The following UACA variants were observed in gnomAD, a reference collection of about 807,000 sequenced individuals.
The protein encoded by UACA is nuclear membrane binding protein.
In UACA, 112 loss-of-function variants were observed where a neutral mutation model predicts 160.5. The ratio of observed to expected loss-of-function variants is 0.70; its 90% CI spans 0.60 to 0.82. UACA has a LOEUF of 0.82. Ranked by LOEUF, UACA falls within the 40% of genes least tolerant of loss-of-function variation. UACA has a pLI of 0.00. For synonymous variants in UACA, 557 were observed against 568.4 expected (o/e 0.98, Z 0.29); for missense variants, 1,574 against 1,614.6 (o/e 0.97, Z 0.43).
intron 1 of UACA, among the ~76,000 whole-genome samples, chr15:70,720,853 C>T (rs1246802669): frequency 6.6e-6 from 1 of 152,158 alleles, no homozygotes; most frequent in East Asian, 1.9e-4. Flanking sequence ...CTTTGGCAGT[C>T]ATGAAGTACT....
rs910424757 is a variant in UACA, at chr15:70,763,444, G to A, written c.-37C>T. 4.7e-6 allele frequency: 6 copies of A among 1,285,622 alleles called. No individual in the cohort carries two copies. The African/African-American group carries it at 9.3e-5, about 20-fold the overall frequency. The allele number at this position is 1,285,622 out of a possible 1,614,324, so 79.6% of individuals were successfully genotyped here. ...GCCTGGCCCCCGCGCGAACCTTAAA[G>A]GCTGCGGAGTGCCAGCGCGCAAGGA... is the stretch of plus-strand genomic sequence containing the variant. On this transcript the variant is annotated 5_prime_UTR_variant, in exon 1 of 19. Coordinates refer to ENST00000322954, the MANE Select transcript of UACA (RefSeq NM_018003.4).
At chr15:70,722,486 T>G (rs552636677) in intron 1 of UACA, among the ~76,000 whole-genome samples, 1 of 152,198 alleles carries the variant, frequency 6.6e-6, no homozygotes, top group East Asian at 1.9e-4. Context: ...CTGAGCTAAT[T>G]TTTTTATTTT....
intron 1 of UACA, among the ~76,000 whole-genome samples, chr15:70,723,237 G>A (rs190638167): frequency 6.2e-4 from 95 of 152,368 alleles, no homozygotes; most frequent in African/African-American, 2.2e-3. Flanking sequence ...GCTCACGCCT[G>A]TAATCCTAAA....
the UACA span, among the ~76,000 whole-genome samples, chr15:70,777,818 G>A: frequency 5.8e-4 from 89 of 152,318 alleles, no homozygotes; most frequent in Admixed American, 2.0e-3. Context: ...GTTTTGCTGC[G>A]ACGGGGAGGG....
intron 1 of UACA, among the ~76,000 whole-genome samples, chr15:70,741,570 AAAG>A (rs1899535706): frequency 6.6e-6 from 1 of 152,246 alleles, no homozygotes. Flanking sequence ...TTTGTGTTTA[AAAG>A]TAGTTTCTAA....
At chr15:70,767,113 A>G (rs558648747), upstream of UACA, among the ~76,000 whole-genome samples, 2 of 151,532 alleles carry the variant, frequency 1.3e-5, no homozygotes, top group South Asian at 2.1e-4. Context: ...GGTGGCAGGC[A>G]CCTGTAGTCC....
chr15:70,687,686 A>T (rs1897777912), intron 6 of UACA, 40 bp from the exon 7 acceptor site: 7 of 1,613,112 alleles, frequency 4.3e-6, no homozygotes, highest in Non-Finnish European at 5.9e-6. Context: ...AAGACAACAG[A>T]TCTCCCAAAA....
intron 2 of UACA, among the ~76,000 whole-genome samples, chr15:70,697,102 C>T (rs1199788900): frequency 6.6e-6 from 1 of 152,134 alleles, no homozygotes; most frequent in Non-Finnish European, 1.5e-5. Context: ...AAGACATGGA[C>T]TTCTATAACA....
intron 1 of UACA, among the ~76,000 whole-genome samples, chr15:70,750,713 TAAAC>T (rs1383573908): frequency 2.0e-5 from 3 of 151,986 alleles, no homozygotes; most frequent in Non-Finnish European, 2.9e-5. Context: ...CTACAAAAAA[TAAAC>T]AAAATTAGTC....
At chr15:70,702,269 G>T in intron 1 of UACA, 1 of 1,046,336 alleles carries the variant, frequency 9.6e-7, no homozygotes, top group South Asian at 3.8e-5. Flanking sequence ...TCTGCATCCT[G>T]CTGCCTCAAC....
intron 1 of UACA, chr15:70,758,177 C>G (rs2030541385): frequency 6.6e-6 from 1 of 152,206 alleles, no homozygotes; most frequent in African/African-American, 2.4e-5. Context: ...CACCAAACCA[C>G]TCTGCTTTGG....
At chr15:70,672,262 G>GA (rs901380926) in intron 13 of UACA, among the ~76,000 whole-genome samples, 20 of 146,102 alleles carry the variant, frequency 1.4e-4, no homozygotes, top group Non-Finnish European at 2.4e-4. Flanking sequence ...TTGCTCAAAA[G>GA]AAAAAAAAAA....
the UACA span, among the ~76,000 whole-genome samples, chr15:70,777,820 C>T: frequency 3.3e-5 from 5 of 152,032 alleles, no homozygotes; most frequent in African/African-American, 7.3e-5. Context: ...TTTGCTGCGA[C>T]GGGGAGGGAG....
chr15:70,708,865 T>C (rs1013358208), intron 1 of UACA, among the ~76,000 whole-genome samples: 6 of 152,242 alleles, frequency 3.9e-5, no homozygotes, highest in African/African-American at 1.4e-4. Context: ...CACAGGTTAA[T>C]AACTGTTAAA....
At chr15:70,725,086 C>CA (rs530104280) in intron 1 of UACA, among the ~76,000 whole-genome samples, 248 of 135,350 alleles carry the variant, frequency 1.8e-3, no homozygotes, top group Middle Eastern at 3.8e-3. Context: ...AGCAAGATCT[C>CA]AAAAAAAAAA....
chr15:70,695,833 T>G (rs1898107245), intron 2 of UACA, among the ~76,000 whole-genome samples: 3 of 152,234 alleles, frequency 2.0e-5, no homozygotes, highest in Admixed American at 2.0e-4. Context: ...ATTTCATTAT[T>G]TATTTAGTCA....
the UACA span, among the ~76,000 whole-genome samples, chr15:70,772,569 T>C: frequency 6.6e-6 from 1 of 151,420 alleles, no homozygotes. Context: ...ATGGGAGCTA[T>C]GTTTCCAAGG....
In UACA at chr15:70,657,096, A is replaced by G. The variant is rs1896498423; in HGVS notation, c.4211T>C (p.Leu1404Pro). The G allele has an allele frequency of 6.2e-7, 1 of 1,614,074 alleles. No individual in the cohort carries two copies. Among genetic ancestry groups the G allele is most frequent in the Non-Finnish European group, 8.5e-7 (1 of 1,179,998 alleles). ...GHMDEDVQEA[L>P]LQIIQMRQGL... ...CTGCCGCATTTGTATGATCTGGAGC[A>G]GAGCCTCCTGAACATCTTCATCCAT... The change falls in exon 19 of 19, where the codon CTG (leucine) becomes CCG (proline). Residue 1404 changes from leucine to proline, a missense_variant. Physicochemically the swap from Leu to Pro is moderately conservative, Grantham distance 98 (BLOSUM62 -3). Transcript: ENST00000322954.
intron 7 of UACA, 83 bp from the exon 8 acceptor site, chr15:70,684,529 T>A: frequency 7.2e-7 from 1 of 1,384,260 alleles, no homozygotes; most frequent in Non-Finnish European, 9.8e-7. Flanking sequence ...TGTTGAACAC[T>A]GTCTTAGTGT....
Sources: allele counts gnomAD v4.1 joint callset (sites outside exome capture counted in the v4.1 genomes callset), GRCh38; gene constraint gnomAD v4.1.1; transcripts MANE v1.5; gene names NCBI Gene and HGNC (gene_info 2026-07-23, HGNC 2026-07-21).